PCMTD1: variants seen among roughly 807,000 people sequenced by gnomAD.
PCMTD1 encodes protein-L-isoaspartate (D-aspartate) O-methyltransferase domain containing 1, also known as protein-L-isoaspartate O-methyltransferase domain-containing protein 1.
A neutral mutation model predicts 37.6 loss-of-function variants in PCMTD1; 12 were observed. The ratio of observed to expected loss-of-function variants is 0.32; its 90% CI spans 0.20 to 0.52. The LOEUF (loss-of-function observed/expected upper bound fraction) is 0.52. PCMTD1 is among the 20% of genes least tolerant of loss of function. The pLI is 0.97. For missense variants in PCMTD1, 235 were observed against 421.3 expected (o/e 0.56, Z 3.87); for synonymous variants, 117 against 135.8 (o/e 0.86, Z 0.96).
chr8:51,889,828 G>A (rs2129294882), intron 1 of PCMTD1, among the ~76,000 whole-genome samples: 1 of 151,996 alleles, frequency 6.6e-6, no homozygotes, highest in East Asian at 1.9e-4. Flanking sequence ...AGTGTCTCCT[G>A]AGCTGTGCAC....
intron 4 of PCMTD1, 44 bp downstream of exon 4, chr8:51,833,474 T>C (rs763412766): frequency 3.7e-5 from 55 of 1,493,470 alleles, no homozygotes; most frequent in Non-Finnish European, 4.7e-5. Context: ...TAAACAAATT[T>C]GCTTGCTTCC....
upstream of PCMTD1, chr8:51,899,139 G>A (rs926915288): frequency 3.7e-6 from 5 of 1,364,270 alleles, no homozygotes; most frequent in South Asian, 6.5e-5. Context: ...CACAGGGGCA[G>A]CTCCCCGCGG....
chr8:51,875,389 C>T (rs10958300), intron 1 of PCMTD1, among the ~76,000 whole-genome samples: 17,865 of 152,140 alleles, frequency 0.12, 1,285 homozygotes, highest in East Asian at 0.16. Flanking sequence ...TAAATCCACA[C>T]AGGTTATGGT....
chr8:51,860,719 G>T, intron 2 of PCMTD1, 126 bp downstream of exon 2: 1 of 794,228 alleles, frequency 1.3e-6, no homozygotes, highest in Non-Finnish European at 1.9e-6. Context: ...TCTAAGTAAG[G>T]AAGATACCTA....
chr8:51,841,282 A>G (rs2038143824), intron 3 of PCMTD1, among the ~76,000 whole-genome samples: 1 of 152,126 alleles, frequency 6.6e-6, no homozygotes, highest in South Asian at 2.1e-4. Context: ...TTATCATCTC[A>G]TTATTGTTTT....
In PCMTD1 at chr8:51,821,133, C is replaced by A. The variant is rs1236608714; in HGVS notation, c.707-415G>T. Among the ~76,000 whole-genome samples, 3 of 152,214 alleles carry A rather than the reference C, an allele frequency of 2.0e-5. No homozygotes were observed. In the East Asian group the frequency reaches 5.8e-4, roughly 29 times the overall value. On this transcript the variant is annotated intron_variant, in intron 5 of 5. Transcript: ENST00000522514. ...TAACAACAGATGTGAGATCCCATCC[C>A]CTATGAAGTTTTTGTTTGTTTGTTT... is the stretch of plus-strand genomic sequence containing the variant.
At chr8:51,845,599 T>C (rs905941017) in intron 3 of PCMTD1, 62 bp downstream of exon 3, 13 of 1,155,424 alleles carry the variant, frequency 1.1e-5, no homozygotes, top group Middle Eastern at 2.1e-4. Context: ...TGTTCAAGAA[T>C]AGACATGTTG....
intron 3 of PCMTD1, among the ~76,000 whole-genome samples, chr8:51,838,083 G>A (rs998293213): frequency 2.0e-5 from 3 of 152,048 alleles, no homozygotes; most frequent in Non-Finnish European, 2.9e-5. Context: ...CACCACACCC[G>A]GCCCATAACT....
chr8:51,820,113 T>G lies in PCMTD1; in HGVS notation c.*238A>C. 3.2e-6 allele frequency: 1 copy of G among 316,912 alleles called. No individual in the cohort carries two copies. The allele number at this position is 316,912 out of a possible 1,614,324, so 19.6% of individuals were successfully genotyped here. On this transcript the variant is annotated 3_prime_UTR_variant, in exon 6 of 6. Transcript: ENST00000522514. ...GTCTTGACTACTGTTGCATTCCACT[T>G]TGAAATCACTCTGAGCTAAAACAAC...
intron 1 of PCMTD1, among the ~76,000 whole-genome samples, chr8:51,868,165 T>G (rs2038586696): frequency 6.6e-6 from 1 of 152,142 alleles, no homozygotes; most frequent in Admixed American, 6.6e-5. Flanking sequence ...AGAACTGTAT[T>G]ACTTGGTGTG....
chr8:51,867,811 G>T (rs1361698348), intron 1 of PCMTD1, among the ~76,000 whole-genome samples: 1 of 151,980 alleles, frequency 6.6e-6, no homozygotes, highest in Non-Finnish European at 1.5e-5. Context: ...AGAGGCTGGG[G>T]CAGGAGGGTA....
intron 2 of PCMTD1, among the ~76,000 whole-genome samples, chr8:51,847,719 C>T (rs1009630167): frequency 3.3e-5 from 5 of 152,074 alleles, no homozygotes; most frequent in African/African-American, 4.8e-5. Flanking sequence ...ACCTAATTTC[C>T]CTTTCTTCCT....
At chr8:51,822,384 A>G (rs1372261434) in intron 5 of PCMTD1, among the ~76,000 whole-genome samples, 2 of 151,968 alleles carry the variant, frequency 1.3e-5, no homozygotes, top group Non-Finnish European at 2.9e-5. Context: ...ATAATCAAGG[A>G]AAACATCTAA....
chr8:51,853,346 T>C (rs913716132), intron 2 of PCMTD1, among the ~76,000 whole-genome samples: 11 of 152,078 alleles, frequency 7.2e-5, no homozygotes, highest in African/African-American at 2.7e-4. Flanking sequence ...CCTGACGCAT[T>C]CAGTCCAATA....
intron 3 of PCMTD1, among the ~76,000 whole-genome samples, chr8:51,838,153 A>G (rs1394691904): frequency 6.6e-6 from 1 of 152,148 alleles, no homozygotes; most frequent in Admixed American, 6.5e-5. Context: ...AGAGTGGCCA[A>G]AATTTCAGTT....
intron 2 of PCMTD1, among the ~76,000 whole-genome samples, chr8:51,846,248 C>T (rs1240397499): frequency 6.6e-6 from 1 of 152,172 alleles, no homozygotes; most frequent in Admixed American, 6.5e-5. Flanking sequence ...TTTGGAGCTC[C>T]CAGTGCCTAG....
rs186683987 is a variant in PCMTD1 at position 51,879,216 on chromosome 8, T to G, written c.-95-17970A>C. 1.1e-3 allele frequency among the ~76,000 whole-genome samples: 171 copies of G among 151,606 alleles called. 2 individuals are homozygous for G. The highest frequency in any genetic ancestry group is 3.8e-3 in the African/African-American group (158 of 41,246). On this transcript the variant is annotated intron_variant, in intron 1 of 5. Transcript: ENST00000522514. ...ATGTCCTAAAGCTCACTCCTAGATC[T>G]GTCACTTGAGGGGAAAAAAAAAAAA...
chr8:51,854,398 G>C (rs13253956), intron 2 of PCMTD1, among the ~76,000 whole-genome samples: 9,402 of 151,932 alleles, frequency 0.062, 380 homozygotes, highest in Non-Finnish European at 0.088. Flanking sequence ...CTAAGAAATA[G>C]AACAGTGGTG....
chr8:51,873,848 G>T (rs964525949), intron 1 of PCMTD1, among the ~76,000 whole-genome samples: 2 of 151,874 alleles, frequency 1.3e-5, no homozygotes, highest in Admixed American at 6.6e-5. Context: ...GAAGAACCAT[G>T]AGCCAAACAA....
Sources: gnomAD v4.1 joint callset for allele counts (sites outside exome capture counted in the v4.1 genomes callset) on GRCh38, gnomAD v4.1.1 for gene constraint, MANE v1.5 for transcripts, NCBI Gene and HGNC (gene_info 2026-07-23, HGNC 2026-07-21) for gene names.